The following SUGCT variants were observed in gnomAD, a reference collection of about 807,000 sequenced individuals.
The protein encoded by SUGCT is succinyl-CoA:glutarate CoA-transferase.
SUGCT carries 41 observed loss-of-function variants against 55.0 expected under a neutral mutation model. The ratio of observed to expected loss-of-function variants is 0.74; its 90% CI spans 0.58 to 0.97. SUGCT has a LOEUF of 0.97. Among genes scored for constraint, SUGCT ranks in the 50% least tolerant of loss-of-function variants. SUGCT has a pLI of 0.00. For missense variants in SUGCT, 568 were observed against 547.8 expected (o/e 1.04, Z -0.37); for synonymous variants, 187 against 200.4 (o/e 0.93, Z 0.56).
chr7:40,309,574 C>T (rs1562667278), intron 8 of SUGCT, among the ~76,000 whole-genome samples: 1 of 152,134 alleles, frequency 6.6e-6, no homozygotes, highest in Non-Finnish European at 1.5e-5. Context: ...GAATTACAGA[C>T]ATGAGCCACT....
intron 12 of SUGCT, among the ~76,000 whole-genome samples, chr7:40,672,297 T>C (rs988532907): frequency 1.2e-4 from 19 of 152,174 alleles, no homozygotes; most frequent in African/African-American, 4.6e-4. Context: ...GGAAAAATGG[T>C]GAATTGAATT....
At chr7:40,286,386 T>C (rs1252120397) in intron 8 of SUGCT, among the ~76,000 whole-genome samples, 1 of 152,096 alleles carries the variant, frequency 6.6e-6, no homozygotes, top group Non-Finnish European at 1.5e-5. Flanking sequence ...GGAGAACCCC[T>C]TTTTTTAAGT....
At chr7:41,006,817 G>T in the SUGCT span, among the ~76,000 whole-genome samples, 4 of 151,930 alleles carry the variant, frequency 2.6e-5, no homozygotes, top group Non-Finnish European at 4.4e-5. Flanking sequence ...TTTTTCTTCC[G>T]CATTTTAAGA....
At chr7:40,893,633 T>A in the SUGCT span, among the ~76,000 whole-genome samples, 5 of 152,060 alleles carry the variant, frequency 3.3e-5, no homozygotes, top group East Asian at 3.9e-4. Flanking sequence ...AAAGAATTTT[T>A]AAAAAAATAT....
At chr7:40,562,597 TG>T (rs1197862355) in intron 12 of SUGCT, among the ~76,000 whole-genome samples, 2 of 151,954 alleles carry the variant, frequency 1.3e-5, no homozygotes, top group African/African-American at 2.4e-5. Context: ...GTGGGAAAGG[TG>T]GAGAGACTGA....
At chr7:40,570,118 C>CT (rs1796361084) in intron 12 of SUGCT, among the ~76,000 whole-genome samples, 1 of 152,136 alleles carries the variant, frequency 6.6e-6, no homozygotes, top group African/African-American at 2.4e-5. Flanking sequence ...AAAATAAGAA[C>CT]TTTTTTAGTT....
chr7:40,927,154 G>C, the SUGCT span, among the ~76,000 whole-genome samples: 22 of 152,196 alleles, frequency 1.4e-4, no homozygotes, highest in Non-Finnish European at 2.4e-4. Context: ...CATAGTCTAA[G>C]ATATGCAAAG....
intron 12 of SUGCT, among the ~76,000 whole-genome samples, chr7:40,529,185 G>A (rs559024603): frequency 1.3e-5 from 2 of 152,306 alleles, no homozygotes; most frequent in South Asian, 4.2e-4. Flanking sequence ...CTTGAAACTG[G>A]GAGTGGACAA....
chr7:40,650,255 A>G (rs951520120), intron 12 of SUGCT, among the ~76,000 whole-genome samples: 2 of 152,326 alleles, frequency 1.3e-5, no homozygotes, highest in Admixed American at 6.5e-5. Context: ...TCATCTTGTA[A>G]GTGACATTAT....
chr7:40,971,802 CT>C, the SUGCT span, among the ~76,000 whole-genome samples: 1 of 152,184 alleles, frequency 6.6e-6, no homozygotes, highest in Non-Finnish European at 1.5e-5. Flanking sequence ...AGGAACCTCA[CT>C]TTTGTTTGCA....
chr7:40,181,601 C>G (rs892242155), intron 2 of SUGCT, among the ~76,000 whole-genome samples: 30 of 152,144 alleles, frequency 2.0e-4, no homozygotes, highest in Non-Finnish European at 4.0e-4. Flanking sequence ...AAAAAATTAG[C>G]CAGGCGTGGT....
intron 6 of SUGCT, among the ~76,000 whole-genome samples, chr7:40,204,518 G>A (rs1786835485): frequency 6.6e-6 from 1 of 151,882 alleles, no homozygotes; most frequent in Admixed American, 6.6e-5. Context: ...TAGCCAGGAT[G>A]GTCTCGATCT....
At chr7:40,174,056 T>C (rs569913979) in intron 1 of SUGCT, among the ~76,000 whole-genome samples, 6 of 152,002 alleles carry the variant, frequency 3.9e-5, no homozygotes, top group Admixed American at 3.3e-4. Context: ...GGAGTCTCAC[T>C]CTGTCCCCCA....
intron 1 of SUGCT, among the ~76,000 whole-genome samples, chr7:40,177,098 A>G (rs77050756): frequency 2.0e-5 from 3 of 152,134 alleles, no homozygotes; most frequent in African/African-American, 7.2e-5. Flanking sequence ...TGTTTCATCA[A>G]ACTAAAATCT....
At chr7:40,899,435 C>T in the SUGCT span, among the ~76,000 whole-genome samples, 1 of 152,162 alleles carries the variant, frequency 6.6e-6, no homozygotes, top group Admixed American at 6.5e-5. Context: ...GCTATGGTGT[C>T]AGCCATTTAC....
intron 12 of SUGCT, among the ~76,000 whole-genome samples, chr7:40,549,911 C>T (rs982213984): frequency 1.3e-5 from 2 of 152,130 alleles, no homozygotes; most frequent in African/African-American, 4.8e-5. Flanking sequence ...ATTGAGAATT[C>T]ATTTCATAGG....
At chr7:40,683,035 T>C (rs947216556) in intron 12 of SUGCT, among the ~76,000 whole-genome samples, 4 of 152,196 alleles carry the variant, frequency 2.6e-5, no homozygotes. Context: ...ATTTTTTTAA[T>C]TTGTCAATTT....
At chr7:40,137,835 C>A (rs1787778129) in intron 1 of SUGCT, among the ~76,000 whole-genome samples, 1 of 152,152 alleles carries the variant, frequency 6.6e-6, no homozygotes, top group Non-Finnish European at 1.5e-5. Context: ...GTGTGTGCCA[C>A]CATGCCTGGC....
intron 12 of SUGCT, among the ~76,000 whole-genome samples, chr7:40,745,719 A>G (rs765936214): frequency 5.9e-5 from 9 of 152,302 alleles, no homozygotes; most frequent in Admixed American, 2.0e-4. Context: ...AATGAAGGAG[A>G]AAACAGTAAA....
Sources: gnomAD v4.1 joint callset for allele counts (sites outside exome capture counted in the v4.1 genomes callset) on GRCh38, gnomAD v4.1.1 for gene constraint, MANE v1.5 for transcripts, NCBI Gene and HGNC (gene_info 2026-07-23, HGNC 2026-07-21) for gene names.